MAGI2: variants seen among roughly 807,000 people sequenced by gnomAD.
The protein encoded by MAGI2 is membrane associated guanylate kinase, WW and PDZ domain containing 2, also known as membrane-associated guanylate kinase, WW and PDZ domain-containing protein 2.
Under a neutral mutation model 133.3 loss-of-function variants are expected in MAGI2, and 35 were observed. The observed-to-expected ratio is 0.26, with a 90% CI of 0.20 to 0.35. The LOEUF (loss-of-function observed/expected upper bound fraction) is 0.35. Ranked by LOEUF, MAGI2 falls within the 10% of genes least tolerant of loss-of-function variation. The pLI, the probability that MAGI2 is intolerant of heterozygous loss-of-function variation, is 1.00. For missense variants in MAGI2, 1,636 were observed against 1,863.4 expected (o/e 0.88, Z 2.25); for synonymous variants, 729 against 710.6 (o/e 1.03, Z -0.41).
intron 2 of MAGI2, among the ~76,000 whole-genome samples, chr7:78,938,438 C>T (rs1168917954): frequency 6.6e-6 from 1 of 151,916 alleles, no homozygotes; most frequent in Non-Finnish European, 1.5e-5. Context: ...ATCTATGATG[C>T]ATATAGAGAT....
At chr7:79,043,120 T>G (rs537345529) in intron 1 of MAGI2, among the ~76,000 whole-genome samples, 2 of 151,960 alleles carry the variant, frequency 1.3e-5, no homozygotes, top group East Asian at 3.9e-4. Context: ...AACACCCACA[T>G]CAAAAAGTTA....
chr7:79,128,723 T>A (rs1254997787), intron 1 of MAGI2, among the ~76,000 whole-genome samples: 1 of 152,242 alleles, frequency 6.6e-6, no homozygotes, highest in Middle Eastern at 3.2e-3. Flanking sequence ...GATTTGTAAT[T>A]ATATTTAAAA....
chr7:78,888,896 T>A (rs1796492642), intron 2 of MAGI2, among the ~76,000 whole-genome samples: 1 of 152,194 alleles, frequency 6.6e-6, no homozygotes, highest in Non-Finnish European at 1.5e-5. Flanking sequence ...TTTGATGAGT[T>A]GAGAGAAGAA....
chr7:79,249,802 G>A (rs530369816), intron 1 of MAGI2, among the ~76,000 whole-genome samples: 191 of 152,122 alleles, frequency 1.3e-3, no homozygotes, highest in Admixed American at 1.9e-3. Flanking sequence ...ATTCTATGAG[G>A]ACAGTATTAC....
chr7:78,649,432 A>C (rs1232284402), intron 2 of MAGI2, among the ~76,000 whole-genome samples: 1 of 152,042 alleles, frequency 6.6e-6, no homozygotes, highest in African/African-American at 2.4e-5. Context: ...ATCTACAATC[A>C]TGGCGAAATT....
At chr7:79,268,094 A>G (rs1448634908) in intron 1 of MAGI2, among the ~76,000 whole-genome samples, 1 of 152,108 alleles carries the variant, frequency 6.6e-6, no homozygotes. Context: ...TTCAGATAAG[A>G]GAACTTCAGA....
intron 20 of MAGI2, among the ~76,000 whole-genome samples, chr7:78,085,816 C>T (rs1014829143): frequency 2.7e-5 from 4 of 147,332 alleles, no homozygotes; most frequent in East Asian, 3.9e-4. Context: ...GCAGGTGGTA[C>T]GCCTTCTTTG....
chr7:79,036,868 G>A (rs1010944960), intron 1 of MAGI2, among the ~76,000 whole-genome samples: 1 of 152,182 alleles, frequency 6.6e-6, no homozygotes, highest in Non-Finnish European at 1.5e-5. Flanking sequence ...GATCTATTGA[G>A]TCGATTTTAA....
intron 6 of MAGI2, among the ~76,000 whole-genome samples, chr7:78,401,471 CT>C (rs1562946399): frequency 4.7e-5 from 7 of 150,078 alleles, no homozygotes; most frequent in Admixed American, 2.7e-4. Context: ...CTCTCTCCCC[CT>C]CTCTCTCTCA....
chr7:78,716,261 T>G (rs1819691372), intron 2 of MAGI2, among the ~76,000 whole-genome samples: 1 of 152,208 alleles, frequency 6.6e-6, no homozygotes, highest in Non-Finnish European at 1.5e-5. Context: ...ATTTTACCCT[T>G]TCTTCCAGGA....
chr7:78,044,679 G>A (rs113067527), intron 21 of MAGI2, among the ~76,000 whole-genome samples: 6 of 48,966 alleles, frequency 1.2e-4, no homozygotes, highest in South Asian at 6.5e-4. Context: ...CTAATGTACC[G>A]TGTGTGTGTG....
At chr7:78,268,830 G>A (rs1794275733) in intron 9 of MAGI2, among the ~76,000 whole-genome samples, 1 of 152,086 alleles carries the variant, frequency 6.6e-6, no homozygotes, top group Non-Finnish European at 1.5e-5. Context: ...TACATGTGCA[G>A]AATGTGCAGG....
chr7:79,339,972 T>C (rs1316235162), intron 1 of MAGI2, among the ~76,000 whole-genome samples: 1 of 152,174 alleles, frequency 6.6e-6, no homozygotes, highest in African/African-American at 2.4e-5. Context: ...TAAGTACATA[T>C]ATCCTGAGTA....
intron 6 of MAGI2, among the ~76,000 whole-genome samples, chr7:78,427,311 A>T (rs904362200): frequency 3.9e-5 from 6 of 152,134 alleles, no homozygotes; most frequent in Non-Finnish European, 7.4e-5. Flanking sequence ...CAGGCTGGAT[A>T]AAAAAAGGCA....
At chr7:79,029,284 T>A (rs1444388284) in intron 1 of MAGI2, among the ~76,000 whole-genome samples, 1 of 152,180 alleles carries the variant, frequency 6.6e-6, no homozygotes, top group Non-Finnish European at 1.5e-5. Flanking sequence ...AACTATCCTG[T>A]ATTAATAAAA....
chr7:79,050,321 G>A (rs1311310840), intron 1 of MAGI2, among the ~76,000 whole-genome samples: 1 of 152,116 alleles, frequency 6.6e-6, no homozygotes. Flanking sequence ...CTGTGGGAGG[G>A]AGACATGAAA....
At chr7:78,918,227 A>G (rs1798948346) in intron 2 of MAGI2, among the ~76,000 whole-genome samples, 1 of 152,264 alleles carries the variant, frequency 6.6e-6, no homozygotes, top group African/African-American at 2.4e-5. Context: ...ACCAGGGACA[A>G]AGACTAGATA....
chr7:79,344,290 T>G (rs1159917343), intron 1 of MAGI2, among the ~76,000 whole-genome samples: 1 of 152,072 alleles, frequency 6.6e-6, no homozygotes, highest in Non-Finnish European at 1.5e-5. Flanking sequence ...ACACTATGAA[T>G]AACATAATTA....
chr7:78,279,029 CA>C (rs1280243274), intron 9 of MAGI2, among the ~76,000 whole-genome samples: 1 of 152,126 alleles, frequency 6.6e-6, no homozygotes, highest in Non-Finnish European at 1.5e-5. Flanking sequence ...GTGATTAGGG[CA>C]GGGGATATGT....
Sources: gnomAD v4.1 joint callset for allele counts (sites outside exome capture counted in the v4.1 genomes callset) on GRCh38, gnomAD v4.1.1 for gene constraint, MANE v1.5 for transcripts, NCBI Gene and HGNC (gene_info 2026-07-23, HGNC 2026-07-21) for gene names.